KCNQ5: variants seen among roughly 807,000 people sequenced by gnomAD.
KCNQ5 encodes potassium voltage-gated channel subfamily Q member 5, also known as potassium voltage-gated channel subfamily KQT member 5.
Under a neutral mutation model 98.2 loss-of-function variants are expected in KCNQ5, and 30 were observed. That is an observed-to-expected ratio of 0.31 (90% CI 0.23 to 0.41). The LOEUF is 0.41. Among genes scored for constraint, KCNQ5 ranks in the 10% least tolerant of loss-of-function variants. The pLI, the probability that KCNQ5 is intolerant of heterozygous loss-of-function variation, is 1.00. For missense variants in KCNQ5, 835 were observed against 1,182.5 expected (o/e 0.71, Z 4.31); for synonymous variants, 458 against 449.4 (o/e 1.02, Z -0.24).
intron 1 of KCNQ5, among the ~76,000 whole-genome samples, chr6:72,735,538 C>A (rs1770782813): frequency 6.6e-6 from 1 of 151,920 alleles, no homozygotes; most frequent in South Asian, 2.1e-4. Context: ...TTTAAACTAT[C>A]TTCATAAAAA....
At position 72,779,888 on chromosome 6, in the gene KCNQ5, T is replaced by C. The variant is rs538751424; in HGVS notation, c.398+157301T>C. On this transcript the variant is annotated intron_variant, in intron 1 of 13. Transcript: ENST00000370398. ...GTGTGTGTGTGTGTGTGTGTAAAGATGGGGTCTCCCTCTATTGCCCAGGCT... is the reference window on the plus strand; with the variant it reads ...GTGTGTGTGTGTGTGTGTGTAAAGACGGGGTCTCCCTCTATTGCCCAGGCT... 2.4e-4 allele frequency among the ~76,000 whole-genome samples: 33 copies of C among 135,412 alleles called. No individual in the cohort carries two copies. In the East Asian group the frequency reaches 5.9e-3, roughly 24 times the overall value. The allele number at this position is 135,412 out of a possible 152,430, so 88.8% of individuals were successfully genotyped here.
chr6:72,820,750 C>T (rs1303495389), intron 1 of KCNQ5, among the ~76,000 whole-genome samples: 1 of 152,068 alleles, frequency 6.6e-6, no homozygotes, highest in Non-Finnish European at 1.5e-5. Flanking sequence ...TGAAATGTAT[C>T]ATTTCCCTCT....
intron 1 of KCNQ5, among the ~76,000 whole-genome samples, chr6:72,984,521 C>G (rs372837979): frequency 6.6e-6 from 1 of 152,108 alleles, no homozygotes; most frequent in South Asian, 2.1e-4. Context: ...TCGAGCCAGA[C>G]ATGGGATATA....
chr6:72,985,586 T>G (rs1768730184), intron 1 of KCNQ5, among the ~76,000 whole-genome samples: 1 of 152,168 alleles, frequency 6.6e-6, no homozygotes, highest in African/African-American at 2.4e-5. Context: ...CACCACAGAA[T>G]GCAAATGAAA....
At chr6:72,777,489 G>A (rs1212001536) in intron 1 of KCNQ5, among the ~76,000 whole-genome samples, 1 of 152,140 alleles carries the variant, frequency 6.6e-6, no homozygotes, top group Non-Finnish European at 1.5e-5. Context: ...CAGATCTTTG[G>A]AACTTCAAAT....
intron 1 of KCNQ5, among the ~76,000 whole-genome samples, chr6:72,721,562 TA>T (rs1457426162): frequency 6.6e-6 from 1 of 152,136 alleles, no homozygotes; most frequent in African/African-American, 2.4e-5. Context: ...GGGGATTGTT[TA>T]AAGAAGAAGA....
At chr6:72,806,728 G>T in intron 1 of KCNQ5, 1 of 400,908 alleles carries the variant, frequency 2.5e-6, no homozygotes, top group Non-Finnish European at 4.8e-6. Context: ...ATTTTGATTT[G>T]GCTTGTAACT....
chr6:72,889,245 A>G (rs1159927132), intron 1 of KCNQ5, among the ~76,000 whole-genome samples: 2 of 152,136 alleles, frequency 1.3e-5, no homozygotes, highest in South Asian at 2.1e-4. Flanking sequence ...CTGGAGTGTG[A>G]TTGTGCTTGG....
chr6:72,818,015 A>G (rs1045755328), intron 1 of KCNQ5, among the ~76,000 whole-genome samples: 2 of 152,202 alleles, frequency 1.3e-5, no homozygotes, highest in African/African-American at 2.4e-5. Flanking sequence ...AATCCCTTCC[A>G]TAAATCAGTA....
At chr6:72,878,299 G>A (rs1778502191) in intron 1 of KCNQ5, among the ~76,000 whole-genome samples, 2 of 152,032 alleles carry the variant, frequency 1.3e-5, no homozygotes, top group South Asian at 4.1e-4. Flanking sequence ...AAAATCCATA[G>A]ATGCCTTTGC....
intron 1 of KCNQ5, among the ~76,000 whole-genome samples, chr6:72,941,666 C>CTCTT (rs11266961): frequency 1.1e-4 from 9 of 83,036 alleles, no homozygotes; most frequent in African/African-American, 3.9e-4. Flanking sequence ...CCCTCCCCAT[C>CTCTT]TCTTTCTTTC....
Position 72,921,380 on chromosome 6 carries a change from G to A in KCNQ5, c.399-82528G>A, listed in dbSNP as rs113274064. On this transcript the variant is annotated intron_variant, in intron 1 of 13. Coordinates refer to ENST00000370398, the MANE Select transcript of KCNQ5 (RefSeq NM_019842.4). ...AGAAAATAATGTGAAGGTTGATTGG[G>A]CTCAACAGCATGTTTGGCGTGAGTA... 1.3e-3 allele frequency among the ~76,000 whole-genome samples: 202 copies of A among 152,302 alleles called. 1 individual carries two copies. Among genetic ancestry groups the A allele is most frequent in the Non-Finnish European group, 2.3e-3 (155 of 68,026 alleles).
intron 1 of KCNQ5, among the ~76,000 whole-genome samples, chr6:72,871,312 A>AT (rs1336871072): frequency 6.6e-6 from 1 of 152,158 alleles, no homozygotes; most frequent in Non-Finnish European, 1.5e-5. Context: ...ACATATTCTG[A>AT]TTTTGATTCT....
At chr6:72,783,642 T>C (rs1245774779) in intron 1 of KCNQ5, among the ~76,000 whole-genome samples, 1 of 152,186 alleles carries the variant, frequency 6.6e-6, no homozygotes, top group Non-Finnish European at 1.5e-5. Flanking sequence ...AAAGAAATTA[T>C]AGAAAGAAGG....
At chr6:72,854,147 A>G (rs1184621363) in intron 1 of KCNQ5, among the ~76,000 whole-genome samples, 1 of 152,220 alleles carries the variant, frequency 6.6e-6, no homozygotes, top group East Asian at 1.9e-4. Flanking sequence ...GATTTAAATG[A>G]GTTCTTCTCT....
intron 3 of KCNQ5, among the ~76,000 whole-genome samples, chr6:73,059,949 C>A (rs1257062894): frequency 6.6e-6 from 1 of 152,128 alleles, no homozygotes; most frequent in Non-Finnish European, 1.5e-5. Context: ...GCAAACTTTA[C>A]TGAGACCAAT....
intron 1 of KCNQ5, among the ~76,000 whole-genome samples, chr6:72,654,397 G>A (rs997843039): frequency 3.9e-5 from 6 of 152,148 alleles, no homozygotes; most frequent in East Asian, 3.9e-4. Flanking sequence ...ACTGTGGGCC[G>A]ATACTATGTG....
At chr6:72,695,032 A>C (rs111592305) in intron 1 of KCNQ5, among the ~76,000 whole-genome samples, 2,164 of 152,250 alleles carry the variant, frequency 0.014, 55 homozygotes, top group African/African-American at 0.049. Context: ...GCTGCAAAGG[A>C]TATGGTTTCA....
intron 1 of KCNQ5, among the ~76,000 whole-genome samples, chr6:72,703,693 T>C (rs147005617): frequency 5.9e-4 from 90 of 152,326 alleles, no homozygotes; most frequent in African/African-American, 2.0e-3. Flanking sequence ...TAAGTATTCC[T>C]TCATATGGTC....
Sources: allele counts gnomAD v4.1 joint callset (sites outside exome capture counted in the v4.1 genomes callset), GRCh38; gene constraint gnomAD v4.1.1; transcripts MANE v1.5; gene names NCBI Gene and HGNC (gene_info 2026-07-23, HGNC 2026-07-21).